The following WFDC13 variants were observed in gnomAD, a reference collection of about 807,000 sequenced individuals.
WFDC13 encodes the protein WAP four-disulfide core domain 13, also known as WAP four-disulfide core domain protein 13.
WFDC13 carries 6 observed loss-of-function variants against 10.9 expected under a neutral mutation model. The observed-to-expected ratio is 0.55, with a 90% CI of 0.30 to 1.09. The LOEUF is 1.09. WFDC13 is among the 50% of genes least tolerant of loss of function. The pLI is 0.06. For missense variants in WFDC13, 104 were observed against 109.6 expected, an observed-to-expected ratio of 0.95 and a Z score of 0.23; for synonymous variants, 38 against 39.5, an observed-to-expected ratio of 0.96 and a Z score of 0.14.
intron 2 of WFDC13, chr20:45,705,096 G>A (rs1334622921): frequency 1.8e-6 from 2 of 1,117,670 alleles, no homozygotes; most frequent in Non-Finnish European, 2.7e-6. Flanking sequence ...AATGGAGTGT[G>A]CTCCCAGGGC....
At chr20:45,703,346 T>C (rs535301858) in intron 1 of WFDC13, among the ~76,000 whole-genome samples, 268 of 152,326 alleles carry the variant, frequency 1.8e-3, no homozygotes, top group Middle Eastern at 0.014. Flanking sequence ...TGTCAACAGC[T>C]TGAACCTCAG....
Position 45,708,791 on chromosome 20 carries a change from CAAAT to C in WFDC13, c.*962_*965del, listed in dbSNP as rs888744787. The C allele has an allele frequency of 3.3e-5, 5 of 152,118 alleles. No homozygotes were observed. The highest frequency in any genetic ancestry group is 4.8e-5 in the African/African-American group (2 of 41,438). 9.4% of individuals were successfully genotyped at this position (152,118 alleles called of 1,614,324 possible). ...ATTTGTTGCAATTTCTTTTTCATTT[CAAAT>C]AAATATTCACTTACGTGTCTAATTT... On this transcript the variant is annotated 3_prime_UTR_variant, in exon 4 of 4. Transcript: ENST00000305479.
At chr20:45,705,676 A>C (rs1175472788) in intron 2 of WFDC13, among the ~76,000 whole-genome samples, 187 bp from the exon 3 acceptor site, 1 of 152,226 alleles carries the variant, frequency 6.6e-6, no homozygotes, top group Non-Finnish European at 1.5e-5. Context: ...AATGCTCTAC[A>C]TTGGAATGCA....
chr20:45,706,335 A>G (rs1351009221), intron 3 of WFDC13, among the ~76,000 whole-genome samples: 1 of 152,176 alleles, frequency 6.6e-6, no homozygotes, highest in Non-Finnish European at 1.5e-5. Context: ...CTCATGTGAA[A>G]TATGAAGAAA....
At chr20:45,704,845 C>T (rs567390047) in intron 2 of WFDC13, 3 of 1,505,014 alleles carry the variant, frequency 2.0e-6, no homozygotes, top group African/African-American at 1.4e-5. Flanking sequence ...CCTCTCTGAA[C>T]ACACCCACAA....
At chr20:45,706,534 G>C (rs994584399) in intron 3 of WFDC13, among the ~76,000 whole-genome samples, 1 of 151,822 alleles carries the variant, frequency 6.6e-6, no homozygotes, top group African/African-American at 2.4e-5. Flanking sequence ...AGCACTTTCG[G>C]AGGCCAAGGT....
chr20:45,704,606 C>T lies in WFDC13; in HGVS notation c.239+12C>T. ...CAAAAGCGCAACAGGTAAGAGATAT[C>T]TCATATCCAGGTCTGATCCTAGAGC... On this transcript the variant is annotated intron_variant, in intron 2 of 3. Transcript: ENST00000305479. 6.2e-7 allele frequency: 1 copy of T among 1,613,234 alleles called. No homozygotes were observed. Among genetic ancestry groups the T allele is most frequent in the East Asian group, 2.2e-5 (1 of 44,864 alleles).
chr20:45,704,687 CTT>C (rs11361717), intron 2 of WFDC13, 93 bp downstream of exon 2: 31,256 of 1,293,352 alleles, frequency 0.024, 1 homozygote, highest in East Asian at 0.078. Flanking sequence ...TGGATCTCTC[CTT>C]TTTTTTTTTT....
rs1195913853 is a variant in WFDC13 at position 45,704,460 on chromosome 20, T to TC, written c.107dup (p.Pro37ThrfsTer7). ...GTGTTCCAGAGTATATCTTGGAACC[T>TC]CCACCCTGCATATCAGCACCTGAAA... On this transcript the variant is annotated frameshift_variant, in exon 2 of 4. Transcript: ENST00000305479. LOFTEE classifies it high-confidence loss of function. The TC allele has an allele frequency of 2.2e-5, 35 of 1,613,838 alleles. No homozygotes were observed. The Admixed American group carries it at 5.7e-4, about 26-fold the overall frequency.
rs1195081164 is a variant in WFDC13 at position 45,708,408 on chromosome 20, G to A, written c.*573G>A. On this transcript the variant is annotated 3_prime_UTR_variant, in exon 4 of 4. Coordinates refer to ENST00000305479, the MANE Select transcript of WFDC13 (RefSeq NM_172005.2). ...AGGTGCCATGAAATCAAAATCAAAG[G>A]GCTAGAACTCTCCAAGGTCTTGCCC... is the stretch of plus-strand genomic sequence containing the variant. 6.6e-6 allele frequency: 1 copy of A among 152,016 alleles called. No individual in the cohort carries two copies. Among genetic ancestry groups the A allele is most frequent in the African/African-American group, 2.4e-5 (1 of 41,222 alleles). 9.4% of individuals were successfully genotyped at this position (152,016 alleles called of 1,614,324 possible).
chr20:45,704,684 C>A, intron 2 of WFDC13, 90 bp downstream of exon 2: 1 of 1,471,478 alleles, frequency 6.8e-7, no homozygotes, highest in South Asian at 1.4e-5. Flanking sequence ...TGCTGGATCT[C>A]TCCTTTTTTT....
chr20:45,705,235 A>G, intron 2 of WFDC13: 1 of 516,472 alleles, frequency 1.9e-6, no homozygotes, highest in South Asian at 2.7e-5. Context: ...TAAAATAAGT[A>G]CTCTTGTTTT....
chr20:45,706,410 T>C (rs570872175), intron 3 of WFDC13, among the ~76,000 whole-genome samples: 16 of 152,298 alleles, frequency 1.1e-4, no homozygotes, highest in African/African-American at 3.8e-4. Context: ...ACTTGGTCTC[T>C]GCAAAGGTAG....
In WFDC13 at chr20:45,704,579, T is replaced by C; in HGVS notation, c.224T>C (p.Phe75Ser). 6.2e-6 allele frequency: 10 copies of C among 1,614,076 alleles called. No individual in the cohort carries two copies. Among genetic ancestry groups the C allele is most frequent in the Non-Finnish European group, 8.5e-6 (10 of 1,179,994 alleles). ...GGGATAGTCTGTTCATCAGAAACAT[T>C]TCAAAAGCGCAACAGGTAAGAGATA... The part of the protein sequence containing the change: ...FCGIVCSSET[F>S]QKRNRIKHKG... The change falls in exon 2 of 4, where the codon TTT becomes TCT. Residue 75 changes from phenylalanine to serine, a missense_variant. Coordinates refer to ENST00000305479, the MANE Select transcript of WFDC13 (RefSeq NM_172005.2).
At chr20:45,705,038 A>G in intron 2 of WFDC13, 1 of 1,590,338 alleles carries the variant, frequency 6.3e-7, no homozygotes, top group Non-Finnish European at 8.6e-7. Context: ...AGCCCAAAGG[A>G]AGTTTTGATT....
At chr20:45,705,265 A>C in intron 2 of WFDC13, 1 of 455,500 alleles carries the variant, frequency 2.2e-6, no homozygotes, top group Non-Finnish European at 4.0e-6. Flanking sequence ...TGCAAGGCCC[A>C]TATGAAATTT....
At chr20:45,706,733 T>C (rs905613621) in intron 3 of WFDC13, among the ~76,000 whole-genome samples, 3 of 148,700 alleles carry the variant, frequency 2.0e-5, no homozygotes, top group African/African-American at 7.5e-5. Context: ...GAGTGCACCA[T>C]TGCACTCCAG....
At chr20:45,705,971 C>T in intron 3 of WFDC13, 44 bp downstream of exon 3, 1 of 1,539,384 alleles carries the variant, frequency 6.5e-7, no homozygotes, top group South Asian at 1.1e-5. Flanking sequence ...GTGAGATTCC[C>T]AGGGATGCTC....
Position 45,708,435 on chromosome 20 carries a change from C to CG in WFDC13, c.*602dup, listed in dbSNP as rs1568677802. On this transcript the variant is annotated 3_prime_UTR_variant, in exon 4 of 4. Coordinates refer to ENST00000305479, the MANE Select transcript of WFDC13 (RefSeq NM_172005.2). ...CTAGAACTCTCCAAGGTCTTGCCCC[C>CG]GGCATGTAGCACCACCTGAGCCAGA... 6.6e-6 allele frequency: 1 copy of CG among 152,090 alleles called. No individual in the cohort carries two copies. The highest frequency in any genetic ancestry group is 1.5e-5 in the Non-Finnish European group (1 of 68,028). The allele number at this position is 152,090 out of a possible 1,614,324, so 9.4% of individuals were successfully genotyped here.
Sources: gnomAD v4.1 joint callset for allele counts (sites outside exome capture counted in the v4.1 genomes callset) on GRCh38, gnomAD v4.1.1 for gene constraint, MANE v1.5 for transcripts, NCBI Gene and HGNC (gene_info 2026-07-23, HGNC 2026-07-21) for gene names.